The following ADTRP variants were observed in gnomAD, a reference collection of about 807,000 sequenced individuals.
ADTRP encodes the protein androgen-dependent TFPI-regulating protein.
In ADTRP, 20 loss-of-function variants were observed where a neutral mutation model predicts 27.0. The observed-to-expected ratio is 0.74, with a 90% CI of 0.52 to 1.08. The LOEUF (loss-of-function observed/expected upper bound fraction) is 1.08, where lower values mean the gene tolerates loss of function less well. Among genes scored for constraint, ADTRP ranks in the 50% least tolerant of loss-of-function variants. ADTRP has a pLI of 0.00. For missense variants in ADTRP, 251 were observed against 275.0 expected (o/e 0.91, Z 0.62); for synonymous variants, 101 against 105.2 (o/e 0.96, Z 0.25).
intron 3 of ADTRP, among the ~76,000 whole-genome samples, chr6:11,738,180 G>A (rs532793322): frequency 1.3e-5 from 2 of 152,152 alleles, no homozygotes; most frequent in Non-Finnish European, 2.9e-5. Context: ...TCTCATCGGT[G>A]GGCCCAGGGT....
chr6:11,715,648 C>CTTTTT (rs55815652), intron 5 of ADTRP, among the ~76,000 whole-genome samples: 1 of 121,142 alleles, frequency 8.3e-6, no homozygotes, highest in African/African-American at 3.5e-5. Flanking sequence ...CTGTTTTTCC[C>CTTTTT]TTTTTTTTTT....
intron 4 of ADTRP, among the ~76,000 whole-genome samples, chr6:11,734,763 C>A (rs1762494351): frequency 6.6e-6 from 1 of 152,184 alleles, no homozygotes; most frequent in Non-Finnish European, 1.5e-5. Context: ...CTGAACTAAA[C>A]TTCCCCGCAT....
At chr6:11,719,371 T>C (rs550960642) in intron 5 of ADTRP, among the ~76,000 whole-genome samples, 1 of 152,354 alleles carries the variant, frequency 6.6e-6, no homozygotes, top group Admixed American at 6.5e-5. Context: ...TTGAGAAGCG[T>C]TGCTCTGTAA....
intron 3 of ADTRP, among the ~76,000 whole-genome samples, chr6:11,765,689 G>A (rs1490196696): frequency 6.6e-6 from 1 of 151,934 alleles, no homozygotes; most frequent in East Asian, 1.9e-4. Flanking sequence ...AGCCTTGCTT[G>A]TTTGGGTCCC....
chr6:11,716,288 G>A (rs1420887706), intron 5 of ADTRP, among the ~76,000 whole-genome samples: 1 of 152,158 alleles, frequency 6.6e-6, no homozygotes, highest in African/African-American at 2.4e-5. Flanking sequence ...CAGGTGTTGA[G>A]GACTGAAGAC....
chr6:11,765,322 TG>T (rs1431961262), intron 3 of ADTRP, among the ~76,000 whole-genome samples: 1,626 of 135,328 alleles, frequency 0.012, 80 homozygotes, highest in African/African-American at 0.034. Flanking sequence ...TCCCCTGGTT[TG>T]TTTTTTTTTT....
intron 3 of ADTRP, among the ~76,000 whole-genome samples, chr6:11,761,466 G>A (rs556518434): frequency 6.6e-6 from 1 of 152,174 alleles, no homozygotes; most frequent in African/African-American, 2.4e-5. Flanking sequence ...AAAATCAAAT[G>A]TCTTGCTTAT....
intron 4 of ADTRP, among the ~76,000 whole-genome samples, chr6:11,729,519 C>T (rs1261665122): frequency 2.0e-5 from 3 of 152,112 alleles, no homozygotes; most frequent in Non-Finnish European, 4.4e-5. Context: ...GGGCCTTTCC[C>T]TGGTGTTTGC....
At chr6:11,770,022 G>C (rs1268001563) in intron 1 of ADTRP, 4 of 1,551,600 alleles carry the variant, frequency 2.6e-6, no homozygotes, top group South Asian at 2.4e-5. Flanking sequence ...TACAAACGAG[G>C]AAACAAACCT....
chr6:11,749,908 A>C (rs1472732783), intron 3 of ADTRP, among the ~76,000 whole-genome samples: 1 of 152,142 alleles, frequency 6.6e-6, no homozygotes, highest in Non-Finnish European at 1.5e-5. Context: ...CACCTCTGTA[A>C]ATCTTTGTAA....
chr6:11,766,345 G>T lies in ADTRP; in HGVS notation c.319C>A (p.Leu107Ile), dbSNP rs759827875. The change falls in exon 3 of 6, where the codon CTC (leucine) becomes ATC (isoleucine). Residue 107 changes from leucine (L) to isoleucine (I), a missense_variant. By Grantham distance (5) the Leu-to-Ile change is conservative (BLOSUM62 2). Coordinates refer to ENST00000414691, the MANE Select transcript of ADTRP (RefSeq NM_032744.4). Reference sequence around the variant, plus strand: ...GGGTAAATGAGATCTCGATTGTAGAGAAAGAGGATCCAGAATGCCAAAAAT... The same window carrying T: ...GGGTAAATGAGATCTCGATTGTAGATAAAGAGGATCCAGAATGCCAAAAAT... ...FVFLAFWILF[L>I]YNRDLIYPKV... The T allele has an allele frequency of 1.2e-6, 2 of 1,612,528 alleles. No homozygotes were observed. Among genetic ancestry groups the T allele is most frequent in the South Asian group, 2.2e-5 (2 of 90,752 alleles).
At chr6:11,764,181 T>C (rs1404408993) in intron 3 of ADTRP, among the ~76,000 whole-genome samples, 2 of 152,268 alleles carry the variant, frequency 1.3e-5, no homozygotes, top group African/African-American at 4.8e-5. Flanking sequence ...GTATCTGCCT[T>C]GCTAATTAGC....
intron 4 of ADTRP, among the ~76,000 whole-genome samples, chr6:11,727,023 G>T (rs190382307): frequency 1.8e-3 from 279 of 152,164 alleles, no homozygotes; most frequent in African/African-American, 6.5e-3. Context: ...ACTAATATTA[G>T]AATTCTTTTT....
intron 5 of ADTRP, among the ~76,000 whole-genome samples, chr6:11,716,189 G>A (rs1761818243): frequency 6.6e-6 from 1 of 152,110 alleles, no homozygotes; most frequent in South Asian, 2.1e-4. Flanking sequence ...GTCACTCTGA[G>A]GATTCCTAAA....
At position 11,746,042 on chromosome 6, in the gene ADTRP, T is replaced by C. The variant is rs1289273562; in HGVS notation, c.391-10359A>G. Among the ~76,000 whole-genome samples the C allele has an allele frequency of 6.6e-5, 10 of 152,170 alleles. 1 individual carries two copies. The highest frequency in any genetic ancestry group is 6.5e-4 in the Admixed American group (10 of 15,278). ...CTGACCTCAAGTGATCTGCCTGCCT[T>C]GGCCTCCGAAAGTGCTGGGATTTAG... On this transcript the variant is annotated intron_variant, in intron 3 of 5. Transcript: ENST00000414691.
intron 5 of ADTRP, among the ~76,000 whole-genome samples, chr6:11,716,719 C>CTTTTTCTTTTTT (rs200468981): frequency 1.6e-5 from 2 of 125,410 alleles, no homozygotes; most frequent in Non-Finnish European, 3.3e-5. Flanking sequence ...TTTTCTTTTT[C>CTTTTTCTTTTTT]TTTTTTTTTT....
rs200555116 is a variant in ADTRP at position 11,714,280 on chromosome 6, GCAGT to G, written c.*194_*197del. 2,762 of 591,866 alleles carry G rather than the reference GCAGT, an allele frequency of 4.7e-3. 72 individuals are homozygous for G. The highest frequency in any genetic ancestry group is 0.046 in the African/African-American group (2,444 of 52,790). The allele number at this position is 591,866 out of a possible 1,614,324, so 36.7% of individuals were successfully genotyped here. A position where few individuals can be genotyped will look rare whatever the true frequency, so the allele number is the denominator to read the frequency against. Reference sequence around the variant, plus strand: ...ATAGCAGGAGTTGTTTTTGGCATGTGCAGTCAACCTTTCAAAAAACCAAGAGTTC... The same window carrying G: ...ATAGCAGGAGTTGTTTTTGGCATGTGCAACCTTTCAAAAAACCAAGAGTTC... On this transcript the variant is annotated 3_prime_UTR_variant, in exon 6 of 6. Transcript: ENST00000414691.
chr6:11,720,282 A>AC (rs1377151832), intron 5 of ADTRP, among the ~76,000 whole-genome samples: 1 of 152,124 alleles, frequency 6.6e-6, no homozygotes, highest in African/African-American at 2.4e-5. Context: ...TAGTAGGGGA[A>AC]CCAGTCAACT....
chr6:11,734,021 T>A lies in ADTRP; in HGVS notation c.506+1547A>T, dbSNP rs572847635. On this transcript the variant is annotated intron_variant, in intron 4 of 5. Transcript: ENST00000414691. ...AGTAAGTAAAAGGTAATAACATATA[T>A]ATGAACTACCAGATTTACACTTGGC... Among the ~76,000 whole-genome samples the A allele has an allele frequency of 2.0e-4, 31 of 152,262 alleles. 1 individual carries two copies. In the East Asian group the frequency reaches 6.0e-3, roughly 29 times the overall value.
Sources: gnomAD v4.1 joint callset for allele counts (sites outside exome capture counted in the v4.1 genomes callset) on GRCh38, gnomAD v4.1.1 for gene constraint, MANE v1.5 for transcripts, NCBI Gene and HGNC (gene_info 2026-07-23, HGNC 2026-07-21) for gene names.